Variants in GNAL observed in about 807,000 individuals in gnomAD.
GNAL encodes guanine nucleotide-binding protein G(olf) subunit alpha.
In GNAL, 18 loss-of-function variants were observed where a neutral mutation model predicts 55.1. The ratio of observed to expected loss-of-function variants is 0.33; its 90% CI spans 0.23 to 0.48. GNAL has a LOEUF of 0.48. Ranked by LOEUF, GNAL falls within the 20% of genes least tolerant of loss-of-function variation. The pLI is 0.99. For synonymous variants in GNAL, 253 were observed against 237.0 expected, an observed-to-expected ratio of 1.07 and a Z score of -0.62; for missense variants, 412 against 614.1, an observed-to-expected ratio of 0.67 and a Z score of 3.48.
At chr18:11,772,859 C>T (rs547172486) in intron 4 of GNAL, among the ~76,000 whole-genome samples, 1 of 152,308 alleles carries the variant, frequency 6.6e-6, no homozygotes, top group African/African-American at 2.4e-5. Flanking sequence ...TCTTACGGTT[C>T]AACCCGTTAG....
At chr18:11,789,496 G>A (rs2034168949) in intron 4 of GNAL, among the ~76,000 whole-genome samples, 1 of 152,120 alleles carries the variant, frequency 6.6e-6, no homozygotes, top group Non-Finnish European at 1.5e-5. Context: ...AGCTCATTTG[G>A]GTAACTCCAT....
At chr18:11,749,225 A>G (rs1420441851) in intron 1 of GNAL, among the ~76,000 whole-genome samples, 3 of 151,626 alleles carry the variant, frequency 2.0e-5, no homozygotes, top group Non-Finnish European at 4.4e-5. Context: ...ATATGTCTTT[A>G]CACACTCATA....
intron 4 of GNAL, among the ~76,000 whole-genome samples, chr18:11,807,360 TAGG>T (rs1598477279): frequency 6.6e-6 from 1 of 152,070 alleles, no homozygotes; most frequent in East Asian, 1.9e-4. Flanking sequence ...ACAGACCAGA[TAGG>T]AGGCTGTGGC....
At chr18:11,703,233 C>T (rs1176597456) in intron 1 of GNAL, among the ~76,000 whole-genome samples, 1 of 152,216 alleles carries the variant, frequency 6.6e-6, no homozygotes, top group Non-Finnish European at 1.5e-5. Flanking sequence ...CAGCAGATGC[C>T]ACGCAGAGCA....
chr18:11,721,052 T>C (rs1037319400), intron 1 of GNAL, among the ~76,000 whole-genome samples: 4 of 152,214 alleles, frequency 2.6e-5, no homozygotes, highest in Non-Finnish European at 4.4e-5. Context: ...TCAAAGGTTC[T>C]TCTCTTCCAG....
chr18:11,857,374 A>G (rs1265550704), intron 5 of GNAL: 2 of 470,930 alleles, frequency 4.2e-6, no homozygotes, highest in Non-Finnish European at 5.6e-6. Context: ...AGCAGGAATG[A>G]CACAGGATCT....
chr18:11,796,229 T>C (rs2034375633), intron 4 of GNAL, among the ~76,000 whole-genome samples: 1 of 152,138 alleles, frequency 6.6e-6, no homozygotes, highest in African/African-American at 2.4e-5. Flanking sequence ...TTGGACATGC[T>C]TGTTATAAGA....
At chr18:11,756,039 GA>G (rs1473587923) in intron 4 of GNAL, among the ~76,000 whole-genome samples, 1 of 152,136 alleles carries the variant, frequency 6.6e-6, no homozygotes, top group African/African-American at 2.4e-5. Flanking sequence ...TATTTGGGGG[GA>G]AATGCTATTC....
At position 11,824,687 on chromosome 18, in the gene GNAL, C is replaced by CA. The variant is rs35626946; in HGVS notation, c.625-221dup. 0.6 allele frequency among the ~76,000 whole-genome samples: 45,415 copies of CA among 75,602 alleles called. 8,497 individuals carry two copies. Among genetic ancestry groups the CA allele is most frequent in the African/African-American group, 0.66 (21,328 of 32,384 alleles). The allele number at this position is 75,602 out of a possible 152,430, so 49.6% of individuals were successfully genotyped here. A position where few individuals can be genotyped will look rare whatever the true frequency, so the allele number is the denominator to read the frequency against. ...TGGGTGACAGAGCGAGACTGTGTCT[C>CA]AAAAAAAAAACAAAAAACTTTTGCA... On this transcript the variant is annotated intron_variant, in intron 4 of 11. Coordinates refer to ENST00000334049, the MANE Select transcript of GNAL (RefSeq NM_182978.4).
At chr18:11,851,721 G>C (rs2035874067) in intron 5 of GNAL, 1 of 1,613,914 alleles carries the variant, frequency 6.2e-7, no homozygotes, top group Non-Finnish European at 8.5e-7. Context: ...GAATGAGTGC[G>C]CGAGTCGATG....
At chr18:11,692,890 A>G (rs898891124) in intron 1 of GNAL, among the ~76,000 whole-genome samples, 14 of 152,212 alleles carry the variant, frequency 9.2e-5, no homozygotes, top group African/African-American at 3.4e-4. Flanking sequence ...CAACTGACCC[A>G]CCCACGTCAG....
chr18:11,873,887 T>C (rs561938076), intron 10 of GNAL, among the ~76,000 whole-genome samples: 1 of 152,180 alleles, frequency 6.6e-6, no homozygotes, highest in Admixed American at 6.5e-5. Context: ...CCCCAGGCCC[T>C]TCCCTCTTTC....
chr18:11,849,501 C>CAA (rs71172025), intron 5 of GNAL, among the ~76,000 whole-genome samples: 67 of 130,498 alleles, frequency 5.1e-4, no homozygotes, highest in African/African-American at 2.0e-3. Flanking sequence ...GATTTCATCT[C>CAA]AAAAAAAAAA....
chr18:11,709,330 T>TAAAA (rs56700086), intron 1 of GNAL, among the ~76,000 whole-genome samples: 8 of 138,354 alleles, frequency 5.8e-5, no homozygotes, highest in South Asian at 2.3e-4. Flanking sequence ...TCTATTTTTG[T>TAAAA]AAAAAAAAAA....
At position 11,830,315 on chromosome 18, in the gene GNAL, T is replaced by C. The variant is rs986794927; in HGVS notation, c.722+5300T>C. On this transcript the variant is annotated intron_variant, in intron 5 of 11. Coordinates refer to ENST00000334049, the MANE Select transcript of GNAL (RefSeq NM_182978.4). ...TTTTTTTTTTTTTTGAGGCGGAGTT[T>C]CGCTCTTGTTGCCCAGGCTGGAGTG... Among the ~76,000 whole-genome samples, 3 of 142,620 alleles carry C rather than the reference T, an allele frequency of 2.1e-5. No homozygotes were observed. In the Admixed American group the frequency reaches 2.2e-4, roughly 10 times the overall value. 93.6% of individuals were successfully genotyped at this position (142,620 alleles called of 152,430 possible). A position where few individuals can be genotyped will look rare whatever the true frequency, so the allele number is the denominator to read the frequency against.
chr18:11,877,717 G>T (rs1362024472), intron 11 of GNAL, among the ~76,000 whole-genome samples: 2 of 152,128 alleles, frequency 1.3e-5, no homozygotes, highest in Non-Finnish European at 2.9e-5. Flanking sequence ...TCGGCTGTGG[G>T]GCCTTTCCAC....
chr18:11,871,407 C>T (rs981294425), intron 9 of GNAL, among the ~76,000 whole-genome samples: 4 of 152,022 alleles, frequency 2.6e-5, no homozygotes, highest in Non-Finnish European at 4.4e-5. Context: ...CGTGCCACCA[C>T]GCCCAGCTAC....
At chr18:11,743,909 G>C (rs1374193728) in intron 1 of GNAL, among the ~76,000 whole-genome samples, 3 of 152,302 alleles carry the variant, frequency 2.0e-5, no homozygotes, top group East Asian at 3.9e-4. Flanking sequence ...TTGCCTCACA[G>C]CCTGACCTAG....
intron 5 of GNAL, among the ~76,000 whole-genome samples, chr18:11,836,305 G>T (rs1486044900): frequency 6.6e-6 from 1 of 152,084 alleles, no homozygotes; most frequent in Non-Finnish European, 1.5e-5. Flanking sequence ...AATTAGCTGG[G>T]CATGGTGGCG....
Sources: gnomAD v4.1 joint callset for allele counts (sites outside exome capture counted in the v4.1 genomes callset) on GRCh38, gnomAD v4.1.1 for gene constraint, MANE v1.5 for transcripts, NCBI Gene and HGNC (gene_info 2026-07-23, HGNC 2026-07-21) for gene names.